Variants in GRID2 observed in about 807,000 individuals in gnomAD.
GRID2 encodes the protein glutamate ionotropic receptor delta type subunit 2.
A neutral mutation model predicts 114.8 loss-of-function variants in GRID2; 33 were observed. The observed-to-expected ratio is 0.29, with a 90% CI of 0.22 to 0.38. The LOEUF (loss-of-function observed/expected upper bound fraction) is 0.38, where lower values mean the gene tolerates loss of function less well. Ranked by LOEUF, GRID2 falls within the 10% of genes least tolerant of loss-of-function variation. The pLI, the probability that GRID2 is intolerant of heterozygous loss-of-function variation, is 1.00. For synonymous variants in GRID2, 505 were observed against 449.9 expected, an observed-to-expected ratio of 1.12 and a Z score of -1.55; for missense variants, 1,184 against 1,257.7, an observed-to-expected ratio of 0.94 and a Z score of 0.89.
chr4:93,746,187 G>T (rs1731825468), intron 14 of GRID2, among the ~76,000 whole-genome samples: 2 of 152,210 alleles, frequency 1.3e-5, no homozygotes, highest in Admixed American at 1.3e-4. Context: ...TTTTGTGGTA[G>T]AAAGGCTAAG....
intron 2 of GRID2, among the ~76,000 whole-genome samples, chr4:92,781,800 TAATC>T (rs1228871773): frequency 6.6e-6 from 1 of 152,052 alleles, no homozygotes. Flanking sequence ...ACAAGGTCAT[TAATC>T]AAAATTAATG....
intron 14 of GRID2, among the ~76,000 whole-genome samples, chr4:93,742,685 A>G (rs1157240872): frequency 6.6e-6 from 1 of 152,174 alleles, no homozygotes; most frequent in Non-Finnish European, 1.5e-5. Flanking sequence ...GTTTTGGGGC[A>G]CAATAAACCG....
intron 2 of GRID2, among the ~76,000 whole-genome samples, chr4:92,665,144 T>A (rs1242323257): frequency 2.0e-5 from 3 of 151,116 alleles, no homozygotes; most frequent in Non-Finnish European, 4.5e-5. Context: ...ATTGATTTCT[T>A]TTGTAGAAAA....
chr4:93,780,026 T>G (rs528020322), intron 1 of GRID2, among the ~76,000 whole-genome samples: 60 of 152,276 alleles, frequency 3.9e-4, no homozygotes, highest in African/African-American at 1.3e-3. Context: ...AAGACAGAAA[T>G]TCATGCCTTC....
At chr4:93,562,014 A>G (rs1264967145) in intron 13 of GRID2, among the ~76,000 whole-genome samples, 1 of 152,128 alleles carries the variant, frequency 6.6e-6, no homozygotes, top group Non-Finnish European at 1.5e-5. Context: ...TTGTACAGAC[A>G]CGAGTTTTCA....
chr4:92,910,383 G>A (rs1048410469), intron 2 of GRID2, among the ~76,000 whole-genome samples: 17 of 152,040 alleles, frequency 1.1e-4, no homozygotes, highest in Non-Finnish European at 1.8e-4. Context: ...ATAGGATTAC[G>A]ATGTCTGTGG....
intron 8 of GRID2, among the ~76,000 whole-genome samples, chr4:93,304,894 G>T (rs1487785779): frequency 6.6e-6 from 1 of 152,088 alleles, no homozygotes; most frequent in African/African-American, 2.4e-5. Flanking sequence ...GTGAATAAAT[G>T]AATTATTTTG....
At chr4:92,827,402 T>A (rs1464647721) in intron 2 of GRID2, among the ~76,000 whole-genome samples, 5 of 134,836 alleles carry the variant, frequency 3.7e-5, no homozygotes, top group African/African-American at 2.7e-5. Context: ...TCCTGAGATT[T>A]AAAAAAAAAA....
intron 2 of GRID2, among the ~76,000 whole-genome samples, chr4:92,843,594 T>C (rs1315299080): frequency 6.6e-6 from 1 of 152,148 alleles, no homozygotes; most frequent in East Asian, 1.9e-4. Context: ...CATGAGAAGA[T>C]ACTGCTTTAC....
intron 2 of GRID2, among the ~76,000 whole-genome samples, chr4:92,908,562 A>AG (rs1748131393): frequency 7.6e-6 from 1 of 131,426 alleles, no homozygotes; most frequent in African/African-American, 3.1e-5. Context: ...ACTCCATCTC[A>AG]AAAAAAAAAA....
chr4:92,827,850 TTTTC>T (rs546659192), intron 2 of GRID2, among the ~76,000 whole-genome samples: 164 of 152,204 alleles, frequency 1.1e-3, no homozygotes, highest in Admixed American at 3.1e-3. Context: ...TTGCTGACAG[TTTTC>T]TTTCTTTTTT....
At chr4:92,901,401 T>A (rs1341868273) in intron 2 of GRID2, among the ~76,000 whole-genome samples, 1 of 152,098 alleles carries the variant, frequency 6.6e-6, no homozygotes, top group African/African-American at 2.4e-5. Flanking sequence ...TATTTTTCAG[T>A]TGCATAGTTT....
chr4:92,467,199 A>T (rs1274300511), intron 1 of GRID2, among the ~76,000 whole-genome samples: 1 of 151,932 alleles, frequency 6.6e-6, no homozygotes, highest in Non-Finnish European at 1.5e-5. Context: ...AATACCTATG[A>T]AGTATGAATT....
Position 93,515,379 on chromosome 4 carries a change from A to G in GRID2, c.2161A>G (p.Asn721Asp). ...MINRSNGSEN[N>D]VLESQAGIQK... ...CAACCGAAGCAATGGATCGGAGAAC[A>G]ATGTTCTGGAGTCCCAGGCAGGCAT... Residue 721 changes from asparagine to aspartate, a missense_variant, in exon 13 of 16, where the codon AAT becomes GAT. Asn to Asp is a conservative substitution (Grantham distance 23). Coordinates refer to ENST00000282020, the MANE Select transcript of GRID2 (RefSeq NM_001510.4). The G allele has an allele frequency of 6.2e-7, 1 of 1,612,792 alleles. No individual in the cohort carries two copies. Among genetic ancestry groups the G allele is most frequent in the Non-Finnish European group, 8.5e-7 (1 of 1,179,010 alleles).
intron 1 of GRID2, among the ~76,000 whole-genome samples, chr4:92,369,471 C>G (rs1729018663): frequency 6.6e-6 from 1 of 152,070 alleles, no homozygotes; most frequent in Non-Finnish European, 1.5e-5. Flanking sequence ...ATGCTCTGGG[C>G]CAAAGGACAG....
At chr4:92,853,437 A>G (rs1166650321) in intron 2 of GRID2, among the ~76,000 whole-genome samples, 1 of 152,008 alleles carries the variant, frequency 6.6e-6, no homozygotes, top group Non-Finnish European at 1.5e-5. Context: ...AATCTCATAG[A>G]AAATTTAAAT....
intron 2 of GRID2, among the ~76,000 whole-genome samples, chr4:93,059,424 A>G (rs980618885): frequency 1.3e-5 from 2 of 152,098 alleles, no homozygotes; most frequent in African/African-American, 4.8e-5. Flanking sequence ...AAGATGTTTG[A>G]CAGCAATTCC....
chr4:93,716,677 A>G (rs1042192771), intron 14 of GRID2, among the ~76,000 whole-genome samples: 2 of 151,994 alleles, frequency 1.3e-5, no homozygotes, highest in African/African-American at 2.4e-5. Flanking sequence ...GAAAGTATAC[A>G]TATGATATAC....
chr4:93,708,500 G>A (rs368667612), intron 14 of GRID2, among the ~76,000 whole-genome samples: 36 of 151,898 alleles, frequency 2.4e-4, no homozygotes, highest in Admixed American at 3.9e-4. Flanking sequence ...TATCTTTTCC[G>A]ATTCCCATCT....
Sources: gnomAD v4.1 joint callset for allele counts (sites outside exome capture counted in the v4.1 genomes callset) on GRCh38, gnomAD v4.1.1 for gene constraint, MANE v1.5 for transcripts, NCBI Gene and HGNC (gene_info 2026-07-23, HGNC 2026-07-21) for gene names.